Variants in SOX6 observed in about 807,000 individuals in gnomAD.
SOX6 encodes transcription factor SOX-6.
Under a neutral mutation model 97.8 loss-of-function variants are expected in SOX6, and 11 were observed. That is an observed-to-expected ratio of 0.11 (90% confidence interval 0.07 to 0.19). The LOEUF (loss-of-function observed/expected upper bound fraction) is 0.19. Among genes scored for constraint, SOX6 ranks in the 10% least tolerant of loss-of-function variants. The pLI, the probability that SOX6 is intolerant of heterozygous loss-of-function variation, is 1.00. For missense variants in SOX6, 810 were observed against 1,039.5 expected (o/e 0.78, Z 3.04); for synonymous variants, 360 against 371.4 (o/e 0.97, Z 0.35).
At chr11:16,134,806 G>A (rs960598151) in intron 6 of SOX6, among the ~76,000 whole-genome samples, 5 of 152,106 alleles carry the variant, frequency 3.3e-5, no homozygotes, top group African/African-American at 1.2e-4. Context: ...TATTCCCTGA[G>A]ACAACAATAT....
intron 3 of SOX6, among the ~76,000 whole-genome samples, chr11:16,286,801 TTTA>T (rs1392974253): frequency 6.6e-6 from 1 of 152,086 alleles, no homozygotes; most frequent in Non-Finnish European, 1.5e-5. Context: ...GAAATTTGGG[TTTA>T]TTATTTTTTG....
At chr11:16,698,044 C>G (rs1590056153) in intron 3 of SOX6, among the ~76,000 whole-genome samples, 1 of 152,200 alleles carries the variant, frequency 6.6e-6, no homozygotes, top group Non-Finnish European at 1.5e-5. Context: ...AACTTAAAGA[C>G]ACTAGCCACA....
chr11:16,163,905 T>C (rs1850819512), intron 6 of SOX6, among the ~76,000 whole-genome samples: 1 of 152,242 alleles, frequency 6.6e-6, no homozygotes, highest in Non-Finnish European at 1.5e-5. Context: ...GGGCTAGTTC[T>C]ACTTAAGGCC....
chr11:16,398,894 T>A (rs1858451628), intron 1 of SOX6, among the ~76,000 whole-genome samples: 1 of 145,144 alleles, frequency 6.9e-6, no homozygotes, highest in Non-Finnish European at 1.6e-5. Context: ...AAAATAATAT[T>A]TTTTTTAAAT....
Position 16,280,723 on chromosome 11 carries a change from C to T in SOX6, c.445+37723G>A, listed in dbSNP as rs117581210. ...AATGGCACCAGTAGTTAAAGAGAAT[C>T]GTATTATCTTGTGTACGGTTGAATT... On this transcript the variant is annotated intron_variant, in intron 3 of 15. Coordinates refer to ENST00000683767, the MANE Select transcript of SOX6 (RefSeq NM_001367873.1). Among the ~76,000 whole-genome samples, 1,114 of 152,098 alleles carry T rather than the reference C, an allele frequency of 7.3e-3. 9 individuals carry two copies. Among genetic ancestry groups the T allele is most frequent in the South Asian group, 0.035 (167 of 4,820 alleles).
rs1848429035 is a variant in SOX6 at position 16,613,629 on chromosome 11, A to T, written n.430-1369T>A. Among the ~76,000 whole-genome samples the T allele has an allele frequency of 1.3e-5, 2 of 152,068 alleles. No homozygotes were observed. Among genetic ancestry groups the T allele is most frequent in the Admixed American group, 6.5e-5 (1 of 15,280 alleles). On this transcript the variant is annotated intron_variant and non_coding_transcript_variant, in intron 3 of 5. Coordinates refer to the SOX6 transcript ENST00000524520. The surrounding 1 kb of genome is among the most constrained non-coding windows in gnomAD (Gnocchi z 4.6). ...CACGCGCGCGCGCGGACCCACGAGC[A>T]CACACACACGCACGCACACACACAG...
At chr11:16,186,585 C>CT (rs1246862092) in intron 5 of SOX6, among the ~76,000 whole-genome samples, 198 bp downstream of exon 5, 1 of 151,960 alleles carries the variant, frequency 6.6e-6, no homozygotes, top group East Asian at 1.9e-4. Context: ...GCTATGATGC[C>CT]TTTTTTGTAC....
intron 4 of SOX6, among the ~76,000 whole-genome samples, chr11:16,214,256 A>T (rs1452527003): frequency 6.6e-6 from 1 of 152,198 alleles, no homozygotes; most frequent in Non-Finnish European, 1.5e-5. Context: ...CATAAACATT[A>T]GTCTATAACT....
intron 2 of SOX6, among the ~76,000 whole-genome samples, chr11:16,733,566 C>T (rs529474761): frequency 1.4e-4 from 9 of 65,314 alleles, no homozygotes; most frequent in East Asian, 4.4e-4. Flanking sequence ...TATCACATAC[C>T]GGGGCCTGTT....
chr11:16,392,438 G>A (rs768969483), intron 1 of SOX6, among the ~76,000 whole-genome samples: 1 of 152,072 alleles, frequency 6.6e-6, no homozygotes, highest in South Asian at 2.1e-4. Context: ...TATTACCTCA[G>A]TAAGAGAAAC....
chr11:16,723,245 T>A (rs1047909965), intron 2 of SOX6, among the ~76,000 whole-genome samples: 3 of 151,846 alleles, frequency 2.0e-5, no homozygotes, highest in Non-Finnish European at 2.9e-5. Flanking sequence ...AAATACCACA[T>A]GTTTTCCCTT....
At chr11:16,472,270 C>T (rs914417783) in intron 1 of SOX6, among the ~76,000 whole-genome samples, 1 of 151,888 alleles carries the variant, frequency 6.6e-6, no homozygotes, top group African/African-American at 2.4e-5. Flanking sequence ...CTTACTAAAG[C>T]GAATGACTAA....
At chr11:16,467,960 T>C (rs1342836894) in intron 1 of SOX6, among the ~76,000 whole-genome samples, 1 of 152,234 alleles carries the variant, frequency 6.6e-6, no homozygotes, top group South Asian at 2.1e-4. Context: ...ATGCACTTAG[T>C]TCCTTTCAAT....
chr11:16,138,779 C>G (rs1189555969), intron 6 of SOX6, among the ~76,000 whole-genome samples: 2 of 151,928 alleles, frequency 1.3e-5, no homozygotes, highest in Non-Finnish European at 2.9e-5. Flanking sequence ...CAATTCCCAC[C>G]TATGAGTGAG....
At chr11:16,024,334 T>C (rs1025608067) in intron 12 of SOX6, among the ~76,000 whole-genome samples, 1 of 152,062 alleles carries the variant, frequency 6.6e-6, no homozygotes, top group Non-Finnish European at 1.5e-5. Flanking sequence ...GGCCAACTAA[T>C]ACAATGGCAG....
intron 2 of SOX6, among the ~76,000 whole-genome samples, chr11:16,332,499 T>A (rs941104558): frequency 6.6e-6 from 1 of 152,108 alleles, no homozygotes; most frequent in Non-Finnish European, 1.5e-5. Context: ...TAGAAACAAA[T>A]CAGAGTTAAA....
At chr11:16,349,939 G>A (rs776962071) in intron 1 of SOX6, among the ~76,000 whole-genome samples, 1 of 152,038 alleles carries the variant, frequency 6.6e-6, no homozygotes, top group Non-Finnish European at 1.5e-5. Context: ...GCTAATGCCT[G>A]ATATGCCTAA....
intron 3 of SOX6, among the ~76,000 whole-genome samples, chr11:16,296,651 A>G (rs1436391238): frequency 6.6e-6 from 1 of 152,118 alleles, no homozygotes; most frequent in Non-Finnish European, 1.5e-5. Flanking sequence ...TAGAGAAGAA[A>G]CGGCAAGTGG....
intron 6 of SOX6, among the ~76,000 whole-genome samples, chr11:16,177,555 A>G (rs1233595932): frequency 6.6e-6 from 1 of 151,990 alleles, no homozygotes; most frequent in Admixed American, 6.6e-5. Flanking sequence ...TGTAAAGGAA[A>G]ACATTAAATT....
Sources: gnomAD v4.1 joint callset for allele counts (sites outside exome capture counted in the v4.1 genomes callset) on GRCh38, gnomAD v4.1.1 for gene constraint, Gnocchi (gnomAD v3.1) non-coding constraint, MANE v1.5 for transcripts, NCBI Gene and HGNC (gene_info 2026-07-23, HGNC 2026-07-21) for gene names.